FRMD4A: variants seen among roughly 807,000 people sequenced by gnomAD.
The protein encoded by FRMD4A is FERM domain containing 4A, also known as FERM domain-containing protein 4A.
FRMD4A carries 29 observed loss-of-function variants against 129.1 expected under a neutral mutation model. The observed-to-expected ratio is 0.22, with a 90% confidence interval of 0.17 to 0.31. The LOEUF is 0.31. FRMD4A is among the 10% of genes least tolerant of loss of function. The pLI is 1.00. For missense variants in FRMD4A, 1,272 were observed against 1,375.8 expected (o/e 0.92, Z 1.19); for synonymous variants, 634 against 571.6 (o/e 1.11, Z -1.56).
chr10:14,280,521 C>T (rs1845483523), intron 2 of FRMD4A, among the ~76,000 whole-genome samples: 1 of 152,098 alleles, frequency 6.6e-6, no homozygotes, highest in South Asian at 2.1e-4. Flanking sequence ...CATAATTTAC[C>T]TCCATACAAG....
Position 13,806,470 on chromosome 10 carries a change from G to A in FRMD4A, c.206+4344C>T, listed in dbSNP as rs979992586. Among the ~76,000 whole-genome samples the A allele has an allele frequency of 3.3e-5, 5 of 152,192 alleles. No individual in the cohort carries two copies. The East Asian group carries it at 7.7e-4, about 23-fold the overall frequency. ...GAACTTCCAAGCTTGTTCTCCTACT[G>A]TTAGGAATGGAAGCTAGAAGGGAGA... On this transcript the variant is annotated intron_variant, in intron 4 of 24. Transcript: ENST00000357447.
intron 2 of FRMD4A, chr10:14,083,698 G>T (rs1340665442): frequency 6.6e-6 from 1 of 152,198 alleles, no homozygotes; most frequent in Non-Finnish European, 1.5e-5. Flanking sequence ...GATGGATGAG[G>T]AGATGCTTCC....
At chr10:14,127,455 G>T (rs988795959) in intron 2 of FRMD4A, among the ~76,000 whole-genome samples, 1 of 152,206 alleles carries the variant, frequency 6.6e-6, no homozygotes, top group Non-Finnish European at 1.5e-5. Flanking sequence ...AGAAGCGAAA[G>T]ATGGAGAAGG....
Position 13,651,779 on chromosome 10 carries a change from T to G in FRMD4A, c.*2+124A>C, listed in dbSNP as rs553911467. 75 of 669,186 alleles carry G rather than the reference T, an allele frequency of 1.1e-4. No individual in the cohort carries two copies. In the East Asian group the frequency reaches 1.9e-3, roughly 17 times the overall value. The allele number at this position is 669,186 out of a possible 1,614,324, so 41.5% of individuals were successfully genotyped here. A position where few individuals can be genotyped will look rare whatever the true frequency, so the allele number is the denominator to read the frequency against. ...AAACATAGTTCCAGTTCCCCATGTA[T>G]CTAGAAATAAGGCATAAATACAGCA... On this transcript the variant is annotated intron_variant, in intron 24 of 24. Transcript: ENST00000357447.
chr10:14,194,334 G>C (rs1054175195), intron 2 of FRMD4A, among the ~76,000 whole-genome samples: 17 of 152,146 alleles, frequency 1.1e-4, no homozygotes, highest in African/African-American at 3.6e-4. Flanking sequence ...GAGGAGGCCG[G>C]GTGCAGTGGT....
chr10:14,327,049 C>T, intron 2 of FRMD4A: 1 of 398,368 alleles, frequency 2.5e-6, no homozygotes, highest in Non-Finnish European at 4.4e-6. Context: ...GGTCCTCCCA[C>T]CTCAAGATGG....
At chr10:13,665,126 C>A (rs1389794729) in intron 18 of FRMD4A, among the ~76,000 whole-genome samples, 3 of 152,162 alleles carry the variant, frequency 2.0e-5, no homozygotes, top group Non-Finnish European at 4.4e-5. Context: ...CCCGCCTCAG[C>A]CTCCCAAAGT....
At chr10:13,989,110 A>C (rs2095593743) in intron 2 of FRMD4A, among the ~76,000 whole-genome samples, 2 of 152,116 alleles carry the variant, frequency 1.3e-5, no homozygotes, top group African/African-American at 4.8e-5. Context: ...TTAGAAGCAG[A>C]GCTCTGGTTG....
chr10:14,127,976 TTCCTTCTCTCTC>T (rs1487312766), intron 2 of FRMD4A, among the ~76,000 whole-genome samples: 1 of 22,294 alleles, frequency 4.5e-5, no homozygotes, highest in African/African-American at 1.7e-4. Context: ...CTTTCTTTCT[TTCCTTCTCTCTC>T]TCTCTCTCTC....
At chr10:13,883,760 G>A (rs1016423656) in intron 2 of FRMD4A, among the ~76,000 whole-genome samples, 2 of 152,150 alleles carry the variant, frequency 1.3e-5, no homozygotes, top group Non-Finnish European at 2.9e-5. Context: ...TCAAATGACA[G>A]ACACACTCCG....
intron 15 of FRMD4A, among the ~76,000 whole-genome samples, chr10:13,691,309 A>G (rs554424658): frequency 1.3e-5 from 2 of 152,310 alleles, no homozygotes; most frequent in East Asian, 1.9e-4. Context: ...CTGATGGTGC[A>G]TGATGTCAAT....
At chr10:13,840,994 GC>G (rs2093956004) in intron 3 of FRMD4A, among the ~76,000 whole-genome samples, 1 of 152,174 alleles carries the variant, frequency 6.6e-6, no homozygotes, top group African/African-American at 2.4e-5. Context: ...TGCCGTCCAA[GC>G]TACTAGGGAG....
intron 2 of FRMD4A, among the ~76,000 whole-genome samples, chr10:13,864,140 T>C (rs920289758): frequency 6.6e-6 from 1 of 150,826 alleles, no homozygotes; most frequent in African/African-American, 2.4e-5. Flanking sequence ...GGATTACAGG[T>C]GCCTGCCAAC....
At chr10:13,835,851 C>T (rs748801473) in intron 3 of FRMD4A, among the ~76,000 whole-genome samples, 3 of 152,226 alleles carry the variant, frequency 2.0e-5, no homozygotes, top group East Asian at 1.9e-4. Flanking sequence ...CTCCCCCTTT[C>T]ACCAGTCTGG....
chr10:14,120,056 C>A (rs920246316), intron 2 of FRMD4A, among the ~76,000 whole-genome samples: 8 of 145,912 alleles, frequency 5.5e-5, no homozygotes, highest in Non-Finnish European at 8.9e-5. Flanking sequence ...AGTGTGTGGA[C>A]AGAGCTATTT....
chr10:13,956,782 A>C (rs1433925550), intron 2 of FRMD4A, among the ~76,000 whole-genome samples: 2 of 152,256 alleles, frequency 1.3e-5, no homozygotes, highest in Admixed American at 6.5e-5. Context: ...TGAATTTTCC[A>C]GCAGCATTAA....
Position 13,660,301 on chromosome 10 carries a change from C to T in FRMD4A, c.1898+15G>A. The T allele has an allele frequency of 3.2e-6, 5 of 1,562,598 alleles. No homozygotes were observed. The highest frequency in any genetic ancestry group is 4.4e-6 in the Non-Finnish European group (5 of 1,133,314). ...GAGGGAGGCCTCATTTGGCCTCATT[C>T]ACGATGCAGCTCACCTGGAATGGCT... On this transcript the variant is annotated intron_variant, in intron 20 of 24. Coordinates refer to ENST00000357447, the MANE Select transcript of FRMD4A (RefSeq NM_018027.5).
At chr10:14,139,449 TA>T (rs1172308010) in intron 2 of FRMD4A, among the ~76,000 whole-genome samples, 2 of 103,210 alleles carry the variant, frequency 1.9e-5, no homozygotes, top group Admixed American at 1.9e-4. Context: ...TTTTATTATT[TA>T]TTTTTTTTAA....
intron 2 of FRMD4A, among the ~76,000 whole-genome samples, chr10:14,319,674 G>C (rs1445421932): frequency 1.3e-5 from 2 of 152,070 alleles, no homozygotes; most frequent in African/African-American, 4.8e-5. Context: ...CCTCTCTCAG[G>C]CTTGGCCTCC....
Sources: allele counts gnomAD v4.1 joint callset (sites outside exome capture counted in the v4.1 genomes callset), GRCh38; gene constraint gnomAD v4.1.1; transcripts MANE v1.5; gene names NCBI Gene and HGNC (gene_info 2026-07-23, HGNC 2026-07-21).